The following ACBD6 variants were observed in gnomAD, a reference collection of about 807,000 sequenced individuals.
The protein encoded by ACBD6 is acyl-CoA-binding domain-containing protein 6.
A neutral mutation model predicts 37.2 loss-of-function variants in ACBD6; 28 were observed. The ratio of observed to expected loss-of-function variants is 0.75; its 90% CI spans 0.56 to 1.03. ACBD6 has a LOEUF of 1.03. ACBD6 is among the 50% of genes least tolerant of loss of function. The pLI, the probability that ACBD6 is intolerant of heterozygous loss-of-function variation, is 0.00. For synonymous variants in ACBD6, 113 were observed against 126.8 expected (o/e 0.89, Z 0.73); for missense variants, 340 against 337.4 (o/e 1.01, Z -0.06).
intron 3 of ACBD6, among the ~76,000 whole-genome samples, chr1:180,445,370 C>T (rs1307892237): frequency 1.3e-5 from 2 of 152,144 alleles, no homozygotes; most frequent in Non-Finnish European, 2.9e-5. Context: ...CATAAAAACT[C>T]TAACATACTT....
chr1:180,380,237 A>C (rs958189401), intron 6 of ACBD6, among the ~76,000 whole-genome samples: 1 of 151,884 alleles, frequency 6.6e-6, no homozygotes, highest in Non-Finnish European at 1.5e-5. Context: ...TGACACAGTG[A>C]GATCATGTGG....
At chr1:180,422,360 C>G (rs1459296194) in intron 4 of ACBD6, among the ~76,000 whole-genome samples, 1 of 152,104 alleles carries the variant, frequency 6.6e-6, no homozygotes, top group East Asian at 1.9e-4. Context: ...CGCACACCAC[C>G]ACTCACGGCT....
At chr1:180,336,836 C>CCCACAGAAATACA (rs1212029773) in intron 6 of ACBD6, among the ~76,000 whole-genome samples, 1 of 152,082 alleles carries the variant, frequency 6.6e-6, no homozygotes, top group Non-Finnish European at 1.5e-5. Context: ...CACCACCAAT[C>CCCACAGAAATACA]CCACAGAAAT....
chr1:180,276,578 G>C (rs1649042559), intron 9 of ACBD6: 1 of 152,208 alleles, frequency 6.6e-6, no homozygotes, highest in Non-Finnish European at 1.5e-5. Context: ...ACTGGGGTGG[G>C]GAGGAAGACA....
intron 6 of ACBD6, among the ~76,000 whole-genome samples, chr1:180,335,046 G>C (rs889517175): frequency 1.3e-5 from 2 of 152,204 alleles, no homozygotes; most frequent in African/African-American, 4.8e-5. Flanking sequence ...TGGTGTACCT[G>C]AAAGTGATGG....
intron 1 of ACBD6, among the ~76,000 whole-genome samples, chr1:180,498,216 A>G (rs1025882416): frequency 6.6e-6 from 1 of 152,256 alleles, no homozygotes; most frequent in Non-Finnish European, 1.5e-5. Context: ...TGTCAAGCTC[A>G]TGGTGGCAGA....
rs80118365 is a variant in ACBD6, at chr1:180,355,162, T to C, written c.664-40440A>G. On this transcript the variant is annotated intron_variant, in intron 6 of 7. Transcript: ENST00000367595. Reference sequence around the variant, plus strand: ...AATCTCATCCAACCACCTTATGAAATAGGTACTAAGTTATCTCATTTCACA... The same window carrying C: ...AATCTCATCCAACCACCTTATGAAACAGGTACTAAGTTATCTCATTTCACA... Among the ~76,000 whole-genome samples the C allele has an allele frequency of 4.8e-4, 73 of 152,292 alleles. No individual in the cohort carries two copies. In the East Asian group the frequency reaches 0.013, roughly 27 times the overall value.
At chr1:180,392,278 TG>T (rs770060046) in intron 6 of ACBD6, among the ~76,000 whole-genome samples, 15,797 of 120,196 alleles carry the variant, frequency 0.13, 1,165 homozygotes, top group African/African-American at 0.21. Flanking sequence ...TGTGTGTGTG[TG>T]TGTGTATGTA....
At chr1:180,435,769 G>A (rs889766210) in intron 3 of ACBD6, 2 of 865,878 alleles carry the variant, frequency 2.3e-6, no homozygotes, top group Admixed American at 3.4e-5. Context: ...CCAAGTATCA[G>A]ATTGACTCTG....
intron 3 of ACBD6, among the ~76,000 whole-genome samples, chr1:180,447,532 G>A (rs917965609): frequency 8.5e-5 from 13 of 152,088 alleles, no homozygotes; most frequent in South Asian, 2.1e-4. Flanking sequence ...AAACTAAGGC[G>A]CAATATGTAA....
chr1:180,462,633 G>A (rs923876902), intron 3 of ACBD6, among the ~76,000 whole-genome samples: 1 of 152,134 alleles, frequency 6.6e-6, no homozygotes, highest in Non-Finnish European at 1.5e-5. Context: ...ATAATATTGG[G>A]AGACTTTAAC....
At chr1:180,381,855 C>G (rs969552599) in intron 6 of ACBD6, among the ~76,000 whole-genome samples, 1 of 152,076 alleles carries the variant, frequency 6.6e-6, no homozygotes, top group African/African-American at 2.4e-5. Flanking sequence ...GGCCTGTAAT[C>G]CCAGCACTTT....
intron 3 of ACBD6, among the ~76,000 whole-genome samples, chr1:180,478,453 C>T (rs1033660227): frequency 5.3e-5 from 8 of 151,778 alleles, no homozygotes; most frequent in Admixed American, 2.6e-4. Flanking sequence ...CTTTCTGCCT[C>T]GTTCCTGAAG....
At chr1:180,373,618 A>G (rs1326820275) in intron 6 of ACBD6, among the ~76,000 whole-genome samples, 1 of 152,216 alleles carries the variant, frequency 6.6e-6, no homozygotes, top group Non-Finnish European at 1.5e-5. Context: ...TGGGAATTCT[A>G]AATCATGTTG....
chr1:180,362,647 C>T (rs1256927744), intron 6 of ACBD6, among the ~76,000 whole-genome samples: 2 of 152,234 alleles, frequency 1.3e-5, no homozygotes, highest in East Asian at 1.9e-4. Flanking sequence ...TCTTTCTTAG[C>T]TGTTGGCAAT....
intron 3 of ACBD6, among the ~76,000 whole-genome samples, chr1:180,488,551 C>A (rs192136532): frequency 6.6e-6 from 1 of 151,646 alleles, no homozygotes; most frequent in African/African-American, 2.4e-5. Context: ...AAATATAGGT[C>A]TAAATCCAGT....
At chr1:180,339,241 C>T (rs1052359388) in intron 6 of ACBD6, among the ~76,000 whole-genome samples, 3 of 152,104 alleles carry the variant, frequency 2.0e-5, no homozygotes, top group African/African-American at 7.2e-5. Context: ...CGTATGTTTA[C>T]TGAGGCACTA....
chr1:180,327,894 T>TA (rs1558251369), intron 6 of ACBD6, among the ~76,000 whole-genome samples: 1 of 152,216 alleles, frequency 6.6e-6, no homozygotes, highest in African/African-American at 2.4e-5. Context: ...TCCTCACATG[T>TA]ACTCTGCAGC....
chr1:180,318,731 T>C (rs1650934657), intron 6 of ACBD6, among the ~76,000 whole-genome samples: 1 of 152,170 alleles, frequency 6.6e-6, no homozygotes, highest in Admixed American at 6.5e-5. Context: ...ATTCTGTCAG[T>C]GGGTAGAATT....
Sources: gnomAD v4.1 joint callset for allele counts (sites outside exome capture counted in the v4.1 genomes callset) on GRCh38, gnomAD v4.1.1 for gene constraint, MANE v1.5 for transcripts, NCBI Gene and HGNC (gene_info 2026-07-23, HGNC 2026-07-21) for gene names.